TMEM117: variants seen among roughly 807,000 people sequenced by gnomAD.
The protein encoded by TMEM117 is transmembrane protein 117.
Under a neutral mutation model 52.4 loss-of-function variants are expected in TMEM117, and 27 were observed. The observed-to-expected ratio is 0.51, with a 90% CI of 0.38 to 0.71. TMEM117 has a LOEUF of 0.71. Ranked by LOEUF, TMEM117 falls within the 30% of genes least tolerant of loss-of-function variation. The pLI is 0.00. For missense variants in TMEM117, 556 were observed against 630.5 expected (o/e 0.88, Z 1.26); for synonymous variants, 215 against 206.3 (o/e 1.04, Z -0.36).
intron 5 of TMEM117, among the ~76,000 whole-genome samples, chr12:44,273,230 G>GC (rs1950470617): frequency 6.6e-6 from 1 of 151,698 alleles, no homozygotes; most frequent in South Asian, 2.1e-4. Context: ...GTGGGGTGGA[G>GC]GTGGGGGGAT....
chr12:44,008,733 C>T, intron 3 of TMEM117: 1 of 411,174 alleles, frequency 2.4e-6, no homozygotes, highest in South Asian at 2.2e-5. Context: ...TAAGGCAGTT[C>T]ACCTGTGTGG....
chr12:43,805,586 T>A, the TMEM117 span: 1 of 468,374 alleles, frequency 2.1e-6, no homozygotes, highest in South Asian at 1.5e-5. Flanking sequence ...CATATTGAAC[T>A]GTCTGCACGC....
chr12:44,356,115 G>A (rs1291145790), intron 6 of TMEM117, among the ~76,000 whole-genome samples: 5 of 152,106 alleles, frequency 3.3e-5, no homozygotes, highest in Admixed American at 1.3e-4. Context: ...GAACTTGTGT[G>A]TGTGAAGGAC....
At chr12:44,257,269 T>C (rs1451984986) in intron 5 of TMEM117, among the ~76,000 whole-genome samples, 1 of 151,800 alleles carries the variant, frequency 6.6e-6, no homozygotes, top group Non-Finnish European at 1.5e-5. Flanking sequence ...AGCGGAGCCG[T>C]AGGCATCTGC....
intron 4 of TMEM117, among the ~76,000 whole-genome samples, chr12:44,163,816 T>C (rs528151615): frequency 9.8e-5 from 15 of 152,362 alleles, no homozygotes; most frequent in African/African-American, 3.6e-4. Context: ...GGTTACTTTT[T>C]ATATTTTAAG....
rs541939145 is a variant in TMEM117 at position 44,090,849 on chromosome 12, G to GTT, written c.411-52661_411-52660dup. Among the ~76,000 whole-genome samples the GTT allele has an allele frequency of 6.7e-4, 68 of 101,634 alleles. 1 individual carries two copies. Among genetic ancestry groups the GTT allele is most frequent in the Middle Eastern group, 6.6e-3 (1 of 152 alleles). The allele number at this position is 101,634 out of a possible 152,430, so 66.7% of individuals were successfully genotyped here. ...ATCCTGTATTTATGTGTTTTTTTTT[G>GTT]TTTTTTTTTTTTTTTTGCTGAGTGC... On this transcript the variant is annotated intron_variant, in intron 3 of 7. Transcript: ENST00000266534.
chr12:44,036,292 C>T (rs1218800770), intron 3 of TMEM117, among the ~76,000 whole-genome samples: 1 of 152,200 alleles, frequency 6.6e-6, no homozygotes, highest in African/African-American at 2.4e-5. Flanking sequence ...GAACAGTTTT[C>T]TACCTACCAC....
intron 4 of TMEM117, among the ~76,000 whole-genome samples, chr12:44,196,396 T>C (rs182532470): frequency 1.3e-5 from 2 of 151,978 alleles, no homozygotes; most frequent in African/African-American, 4.8e-5. Flanking sequence ...AAATAAACCA[T>C]GTGAAAAAAA....
intron 3 of TMEM117, among the ~76,000 whole-genome samples, chr12:43,947,973 A>G (rs1945160438): frequency 6.6e-6 from 1 of 152,112 alleles, no homozygotes; most frequent in African/African-American, 2.4e-5. Flanking sequence ...GGGTCTCATG[A>G]TCTCTTACTA....
chr12:44,368,307 G>T (rs943298174), intron 6 of TMEM117, among the ~76,000 whole-genome samples: 1 of 151,922 alleles, frequency 6.6e-6, no homozygotes, highest in African/African-American at 2.4e-5. Context: ...TTTTCTGTTT[G>T]GTCTGTCTCC....
chr12:43,808,957 A>G, the TMEM117 span, among the ~76,000 whole-genome samples: 1 of 151,114 alleles, frequency 6.6e-6, no homozygotes, highest in South Asian at 2.1e-4. Context: ...TAAAATCTCT[A>G]TTTCAATTAT....
intron 6 of TMEM117, among the ~76,000 whole-genome samples, chr12:44,310,545 G>C (rs1371005091): frequency 1.3e-5 from 2 of 152,204 alleles, no homozygotes; most frequent in Non-Finnish European, 2.9e-5. Context: ...GGCTGAGGCA[G>C]GAGTATAGTT....
intron 5 of TMEM117, among the ~76,000 whole-genome samples, chr12:44,221,185 C>T (rs1208231747): frequency 6.6e-6 from 1 of 152,200 alleles, no homozygotes; most frequent in East Asian, 1.9e-4. Context: ...ACATCTGTAC[C>T]ATAAAAATGC....
intron 3 of TMEM117, among the ~76,000 whole-genome samples, chr12:44,023,961 A>G (rs1267847509): frequency 7.4e-6 from 1 of 135,702 alleles, no homozygotes; most frequent in African/African-American, 3.3e-5. Context: ...CTTAAAGTAT[A>G]AAAAAAAAAT....
chr12:44,028,600 A>T (rs888518590), intron 3 of TMEM117, among the ~76,000 whole-genome samples: 2 of 152,242 alleles, frequency 1.3e-5, no homozygotes, highest in African/African-American at 2.4e-5. Flanking sequence ...GTGCCATGAC[A>T]GTTTACAAAT....
chr12:43,860,153 C>T (rs1219020254), intron 2 of TMEM117, among the ~76,000 whole-genome samples: 2 of 152,172 alleles, frequency 1.3e-5, no homozygotes, highest in Non-Finnish European at 1.5e-5. Context: ...AGGTATTTCT[C>T]CTAATGCTAT....
intron 1 of TMEM117, among the ~76,000 whole-genome samples, chr12:43,843,406 A>G (rs962677019): frequency 6.6e-6 from 1 of 152,250 alleles, no homozygotes; most frequent in Non-Finnish European, 1.5e-5. Context: ...GGACCCAGAC[A>G]GATCTCTTCA....
chr12:43,817,302 A>G, the TMEM117 span, among the ~76,000 whole-genome samples: 1 of 152,350 alleles, frequency 6.6e-6, no homozygotes, highest in Non-Finnish European at 1.5e-5. Context: ...TATAAGAGTT[A>G]TGTTTTGAAA....
intron 3 of TMEM117, among the ~76,000 whole-genome samples, chr12:44,062,443 A>G (rs769319878): frequency 1.1e-4 from 16 of 152,188 alleles, no homozygotes; most frequent in Non-Finnish European, 2.2e-4. Context: ...AGATGTGCAT[A>G]CCGTCTATGA....
Sources: allele counts gnomAD v4.1 joint callset (sites outside exome capture counted in the v4.1 genomes callset), GRCh38; gene constraint gnomAD v4.1.1; transcripts MANE v1.5; gene names NCBI Gene and HGNC (gene_info 2026-07-23, HGNC 2026-07-21).